SAMMSON: variants seen among roughly 807,000 people sequenced by gnomAD.
The protein encoded by SAMMSON is long intergenic non-protein coding RNA 1212.
chr3:70,070,371 A>C (rs1272831629), intron 3 of SAMMSON: 2 of 151,864 alleles, frequency 1.3e-5, no homozygotes, highest in African/African-American at 2.4e-5. Flanking sequence ...CCATTTTATC[A>C]CCTGTATAGA....
At chr3:70,131,330 A>G (rs1227369134) in intron 4 of SAMMSON, among the ~76,000 whole-genome samples, 10 of 152,148 alleles carry the variant, frequency 6.6e-5, no homozygotes, top group African/African-American at 2.4e-4. Flanking sequence ...GAAGAAAGAG[A>G]CTTCTGTGGT....
chr3:70,434,054 G>A (rs1701437231), intron 2 of SAMMSON, among the ~76,000 whole-genome samples: 1 of 152,118 alleles, frequency 6.6e-6, no homozygotes, highest in Admixed American at 6.6e-5. Flanking sequence ...AGCTTTATAA[G>A]CAATTCTTGA....
intron 6 of SAMMSON, among the ~76,000 whole-genome samples, chr3:70,258,738 A>G (rs1260948306): frequency 6.6e-6 from 1 of 152,180 alleles, no homozygotes; most frequent in East Asian, 1.9e-4. Flanking sequence ...AAAACTTTAA[A>G]ATTATAAAAA....
At chr3:70,239,404 A>G (rs180840776) in intron 4 of SAMMSON, among the ~76,000 whole-genome samples, 6 of 152,294 alleles carry the variant, frequency 3.9e-5, no homozygotes, top group African/African-American at 1.4e-4. Context: ...TCAGGATGTT[A>G]TGCAATTAGG....
chr3:70,212,686 A>G (rs1244690233), intron 4 of SAMMSON, among the ~76,000 whole-genome samples: 1 of 152,114 alleles, frequency 6.6e-6, no homozygotes, highest in Non-Finnish European at 1.5e-5. Flanking sequence ...ACTTTGGACA[A>G]TATTCTTCTC....
chr3:70,131,344 C>G (rs909717060), intron 4 of SAMMSON, among the ~76,000 whole-genome samples: 7 of 152,210 alleles, frequency 4.6e-5, no homozygotes, highest in Admixed American at 2.0e-4. Flanking sequence ...CTGTGGTTCT[C>G]TCTTAGGAGT....
chr3:70,281,656 C>T (rs780807394), intron 6 of SAMMSON, among the ~76,000 whole-genome samples: 11 of 152,064 alleles, frequency 7.2e-5, no homozygotes, highest in Non-Finnish European at 7.4e-5. Context: ...TATTTATGCA[C>T]GATGGTTCTT....
At chr3:70,411,155 C>A (rs1262170541) in intron 2 of SAMMSON, among the ~76,000 whole-genome samples, 3 of 152,114 alleles carry the variant, frequency 2.0e-5, no homozygotes, top group Middle Eastern at 3.2e-3. Flanking sequence ...AAAAGTAGCA[C>A]TTTAAAGCCA....
At chr3:70,339,357 A>T (rs941311252) in intron 7 of SAMMSON, among the ~76,000 whole-genome samples, 4 of 152,260 alleles carry the variant, frequency 2.6e-5, no homozygotes, top group South Asian at 2.1e-4. Flanking sequence ...GGACTTCATG[A>T]CTAAAACACC....
intron 7 of SAMMSON, among the ~76,000 whole-genome samples, chr3:70,325,626 A>G (rs1280743344): frequency 6.6e-6 from 1 of 152,132 alleles, no homozygotes; most frequent in African/African-American, 2.4e-5. Flanking sequence ...TTCAAATTCT[A>G]CTATTACTCT....
intron 4 of SAMMSON, among the ~76,000 whole-genome samples, chr3:70,246,221 A>T (rs1326459667): frequency 2.0e-5 from 3 of 152,006 alleles, no homozygotes; most frequent in Non-Finnish European, 2.9e-5. Context: ...TTAATTTTTG[A>T]TATTTTTATC....
intron 6 of SAMMSON, among the ~76,000 whole-genome samples, chr3:70,290,152 C>T (rs554214747): frequency 2.6e-4 from 39 of 152,086 alleles, no homozygotes; most frequent in Non-Finnish European, 4.6e-4. Flanking sequence ...TTTAGAGTTT[C>T]CAGTTTTTCT....
At chr3:70,370,397 T>G (rs2106745503) in intron 9 of SAMMSON, among the ~76,000 whole-genome samples, 1 of 152,020 alleles carries the variant, frequency 6.6e-6, no homozygotes, top group African/African-American at 2.4e-5. Flanking sequence ...CGGTTTTCCG[T>G]GGTGGGTTCT....
At chr3:70,207,711 A>G (rs1701305792) in intron 4 of SAMMSON, among the ~76,000 whole-genome samples, 1 of 152,124 alleles carries the variant, frequency 6.6e-6, no homozygotes, top group South Asian at 2.1e-4. Flanking sequence ...CATAGCATTT[A>G]CATAGTATTA....
intron 6 of SAMMSON, among the ~76,000 whole-genome samples, chr3:70,273,268 A>G (rs1701991223): frequency 6.6e-6 from 1 of 152,230 alleles, no homozygotes; most frequent in Admixed American, 6.5e-5. Context: ...GAGTTCATTA[A>G]ATCTTAGTCG....
At chr3:70,202,760 G>A (rs956447182) in intron 4 of SAMMSON, among the ~76,000 whole-genome samples, 1 of 152,110 alleles carries the variant, frequency 6.6e-6, no homozygotes, top group Non-Finnish European at 1.5e-5. Flanking sequence ...GCTGTGATGA[G>A]CAAAGTGATA....
chr3:70,020,755 C>T (rs191794984), intron 3 of SAMMSON, among the ~76,000 whole-genome samples: 22 of 152,178 alleles, frequency 1.4e-4, no homozygotes, highest in Admixed American at 1.2e-3. Context: ...TACTGTTGAT[C>T]GAGCGCCTTT....
intron 7 of SAMMSON, among the ~76,000 whole-genome samples, chr3:70,345,388 C>A (rs1443646693): frequency 6.6e-6 from 1 of 152,136 alleles, no homozygotes; most frequent in Non-Finnish European, 1.5e-5. Flanking sequence ...AGATCAGAAC[C>A]TTTCTCTCCC....
intron 3 of SAMMSON, among the ~76,000 whole-genome samples, chr3:70,041,378 A>C (rs2067105810): frequency 6.6e-6 from 1 of 152,140 alleles, no homozygotes; most frequent in African/African-American, 2.4e-5. Context: ...TTCTACGTTA[A>C]AATTTAATTA....
Sources: allele counts gnomAD v4.1 joint callset (sites outside exome capture counted in the v4.1 genomes callset), GRCh38; gene constraint gnomAD v4.1.1; transcripts MANE v1.5; gene names NCBI Gene and HGNC (gene_info 2026-07-23, HGNC 2026-07-21).